Variants in JAK1 observed in about 807,000 individuals in gnomAD.
JAK1 encodes the protein Janus kinase 1.
Under a neutral mutation model 136.6 loss-of-function variants are expected in JAK1, and 16 were observed. The observed-to-expected ratio is 0.12, with a 90% confidence interval of 0.08 to 0.18. JAK1 has a LOEUF of 0.18. Among genes scored for constraint, JAK1 ranks in the 10% least tolerant of loss-of-function variants. The pLI, the probability that JAK1 is intolerant of heterozygous loss-of-function variation, is 1.00. For synonymous variants in JAK1, 492 were observed against 519.5 expected (o/e 0.95, Z 0.72); for missense variants, 859 against 1,450.1 (o/e 0.59, Z 6.62).
chr1:65,061,697 T>C (rs1382513934), intron 1 of JAK1, among the ~76,000 whole-genome samples: 1 of 152,220 alleles, frequency 6.6e-6, no homozygotes, highest in Non-Finnish European at 1.5e-5. Context: ...TGTTATAAAC[T>C]GTCAGCAAAA....
chr1:64,900,454 A>G (rs1199423030), intron 1 of JAK1, among the ~76,000 whole-genome samples: 3 of 152,164 alleles, frequency 2.0e-5, no homozygotes, highest in African/African-American at 7.2e-5. Context: ...CATTTCATGA[A>G]GAGAAGAAAA....
At chr1:65,002,972 C>T (rs1297962266) in intron 2 of JAK1, among the ~76,000 whole-genome samples, 4 of 150,992 alleles carry the variant, frequency 2.6e-5, no homozygotes, top group Non-Finnish European at 5.9e-5. Flanking sequence ...CCGGGCTGTC[C>T]GGCCGCGCCG....
chr1:65,015,906 C>CG (rs769167920), intron 2 of JAK1, among the ~76,000 whole-genome samples: 2 of 152,148 alleles, frequency 1.3e-5, no homozygotes, highest in Non-Finnish European at 2.9e-5. Flanking sequence ...TACCAGTGTT[C>CG]ATTGTAGCAT....
intron 2 of JAK1, among the ~76,000 whole-genome samples, chr1:65,013,423 C>G (rs1646866860): frequency 6.6e-6 from 1 of 151,074 alleles, no homozygotes; most frequent in Non-Finnish European, 1.5e-5. Flanking sequence ...AAAACAAAAA[C>G]CGAAACAAAA....
intron 23 of JAK1, 92 bp from the exon 24 acceptor site, chr1:64,835,598 G>A: frequency 1.3e-6 from 1 of 778,194 alleles, no homozygotes; most frequent in Non-Finnish European, 2.2e-6. Context: ...CAATCAACTG[G>A]AAATTTAAGT....
At chr1:64,890,245 A>G (rs951536228) in intron 1 of JAK1, among the ~76,000 whole-genome samples, 6 of 139,632 alleles carry the variant, frequency 4.3e-5, no homozygotes, top group African/African-American at 1.8e-4. Context: ...CAGGAAGATC[A>G]GGATTTTTTT....
At chr1:65,027,491 A>C (rs1297362353) in intron 2 of JAK1, among the ~76,000 whole-genome samples, 2 of 152,074 alleles carry the variant, frequency 1.3e-5, no homozygotes, top group Non-Finnish European at 2.9e-5. Flanking sequence ...GCTTCCTGTC[A>C]ATTTGGGTCC....
intron 2 of JAK1, among the ~76,000 whole-genome samples, chr1:64,981,755 G>A (rs1646547774): frequency 1.3e-5 from 2 of 152,118 alleles, no homozygotes; most frequent in African/African-American, 4.8e-5. Context: ...GTGAGATTAG[G>A]TGATTTGCCA....
At chr1:64,882,861 G>C (rs1045893388) in intron 3 of JAK1, among the ~76,000 whole-genome samples, 1 of 152,128 alleles carries the variant, frequency 6.6e-6, no homozygotes, top group African/African-American at 2.4e-5. Context: ...GAGAAGTTTC[G>C]AATAATTATT....
At chr1:64,914,429 A>G (rs1645356115) in intron 1 of JAK1, among the ~76,000 whole-genome samples, 1 of 152,258 alleles carries the variant, frequency 6.6e-6, no homozygotes, top group African/African-American at 2.4e-5. Flanking sequence ...CACAAAGTTT[A>G]GAGGTTGTAA....
intron 1 of JAK1, among the ~76,000 whole-genome samples, chr1:65,067,282 C>G (rs967398379): frequency 1.3e-5 from 2 of 150,348 alleles, no homozygotes; most frequent in Admixed American, 1.3e-4. Context: ...CGCCGCCTGG[C>G]CCGCCCCCAG....
chr1:64,883,818 C>T (rs1644812354), intron 2 of JAK1, among the ~76,000 whole-genome samples: 1 of 151,896 alleles, frequency 6.6e-6, no homozygotes, highest in Non-Finnish European at 1.5e-5. Flanking sequence ...AAAATGTAGC[C>T]CATTCTGGAA....
At chr1:64,968,289 T>G (rs935743889), upstream of JAK1, among the ~76,000 whole-genome samples, 1 of 151,382 alleles carries the variant, frequency 6.6e-6, no homozygotes, top group Admixed American at 6.6e-5. Flanking sequence ...TGATGAAGAT[T>G]CAGAGAAAAA....
intron 8 of JAK1, among the ~76,000 whole-genome samples, chr1:64,863,508 T>G (rs1388808629): frequency 1.3e-5 from 2 of 150,682 alleles, no homozygotes; most frequent in East Asian, 3.9e-4. Flanking sequence ...TTACTATATT[T>G]TTCTAATAAA....
rs879510135 is a variant in JAK1, at chr1:64,944,447, G to C, written c.-78+21886C>G. Among the ~76,000 whole-genome samples, 3 of 152,022 alleles carry C rather than the reference G, an allele frequency of 2.0e-5. 1 individual carries two copies. The highest frequency in any genetic ancestry group is 3.9e-4 in the East Asian group (2 of 5,192). Reference sequence around the variant, plus strand: ...TTTTGACCTAGAAGTTCTAATTCCTGTATGTTATTATTGTTTGCTAATTCT... The same window carrying C: ...TTTTGACCTAGAAGTTCTAATTCCTCTATGTTATTATTGTTTGCTAATTCT... On this transcript the variant is annotated intron_variant, in intron 1 of 24. Coordinates refer to ENST00000342505, the MANE Select transcript of JAK1 (RefSeq NM_002227.4).
chr1:64,898,434 C>A (rs143522751), intron 1 of JAK1, among the ~76,000 whole-genome samples: 1 of 152,332 alleles, frequency 6.6e-6, no homozygotes, highest in South Asian at 2.1e-4. Flanking sequence ...CCTCTATTAT[C>A]CAGAATTCAG....
At chr1:64,879,589 C>T (rs1237122317) in intron 3 of JAK1, among the ~76,000 whole-genome samples, 4 of 152,130 alleles carry the variant, frequency 2.6e-5, no homozygotes, top group Admixed American at 6.5e-5. Flanking sequence ...AATTCTAACA[C>T]GCTCGTGATT....
intron 1 of JAK1, among the ~76,000 whole-genome samples, chr1:64,894,003 C>T (rs1478571291): frequency 6.6e-6 from 1 of 152,256 alleles, no homozygotes; most frequent in Non-Finnish European, 1.5e-5. Flanking sequence ...AGACACAAAT[C>T]TAACATGCTT....
intron 1 of JAK1, among the ~76,000 whole-genome samples, chr1:64,935,111 C>T (rs1645765415): frequency 6.6e-6 from 1 of 152,152 alleles, no homozygotes; most frequent in Non-Finnish European, 1.5e-5. Context: ...AACAAGAACG[C>T]AGATGCATCA....
Sources: allele counts gnomAD v4.1 joint callset (sites outside exome capture counted in the v4.1 genomes callset), GRCh38; gene constraint gnomAD v4.1.1; transcripts MANE v1.5; gene names NCBI Gene and HGNC (gene_info 2026-07-23, HGNC 2026-07-21).